Variants in BAZ2B observed in about 807,000 individuals in gnomAD.
The protein encoded by BAZ2B is bromodomain adjacent to zinc finger domain protein 2B.
A neutral mutation model predicts 246.0 loss-of-function variants in BAZ2B; 91 were observed. The ratio of observed to expected loss-of-function variants is 0.37; its 90% confidence interval spans 0.31 to 0.44. BAZ2B has a LOEUF of 0.44. BAZ2B is among the 20% of genes least tolerant of loss of function. The pLI is 1.00. For synonymous variants in BAZ2B, 855 were observed against 860.0 expected, an observed-to-expected ratio of 0.99 and a Z score of 0.10; for missense variants, 2,332 against 2,533.7, an observed-to-expected ratio of 0.92 and a Z score of 1.71.
At chr2:159,562,376 T>TA (rs2089962635) in intron 1 of BAZ2B, among the ~76,000 whole-genome samples, 2 of 152,210 alleles carry the variant, frequency 1.3e-5, no homozygotes, top group African/African-American at 4.8e-5. Flanking sequence ...TTGGTAAATT[T>TA]AAAAAACACA....
intron 2 of BAZ2B, among the ~76,000 whole-genome samples, chr2:159,535,706 C>T (rs2085896666): frequency 1.3e-5 from 2 of 152,150 alleles, no homozygotes; most frequent in African/African-American, 4.8e-5. Flanking sequence ...AATACAACTT[C>T]AGATAATAAT....
chr2:159,374,256 A>G (rs538001961), intron 26 of BAZ2B, among the ~76,000 whole-genome samples: 2 of 152,210 alleles, frequency 1.3e-5, no homozygotes, highest in East Asian at 3.9e-4. Flanking sequence ...TTACAAATCC[A>G]ATGCAAATAA....
At chr2:159,362,548 C>T (rs2059824411) in intron 27 of BAZ2B, among the ~76,000 whole-genome samples, 1 of 152,172 alleles carries the variant, frequency 6.6e-6, no homozygotes, top group Non-Finnish European at 1.5e-5. Context: ...CTCTCACTAA[C>T]AAACTTTGCT....
chr2:159,393,332 C>A (rs2063575922), intron 20 of BAZ2B, among the ~76,000 whole-genome samples: 1 of 152,110 alleles, frequency 6.6e-6, no homozygotes, highest in Non-Finnish European at 1.5e-5. Flanking sequence ...CTGAGGAAAG[C>A]AATAATGAGA....
chr2:159,436,981 T>C (rs931107821), intron 8 of BAZ2B, among the ~76,000 whole-genome samples: 12 of 152,156 alleles, frequency 7.9e-5, no homozygotes, highest in African/African-American at 1.9e-4. Context: ...AAAGAGAAGG[T>C]AGTACCTTTT....
At chr2:159,437,939 T>A in intron 8 of BAZ2B, 2 of 164,822 alleles carry the variant, frequency 1.2e-5, no homozygotes, top group Admixed American at 6.3e-5. Flanking sequence ...TAAAAAAAAA[T>A]TGGTATTAGG....
chr2:159,392,352 G>GT lies in BAZ2B; in HGVS notation c.3076-2868dup, dbSNP rs145362499. ...TTCACAAGAAGTCTGTATAAAGCCTGTTTTTTTTTTATCGTTCCCACAACT... is the reference window on the plus strand; with the variant it reads ...TTCACAAGAAGTCTGTATAAAGCCTGTTTTTTTTTTTATCGTTCCCACAACT... On this transcript the variant is annotated intron_variant, in intron 20 of 36. Transcript: ENST00000392783. 5.1e-3 allele frequency: 755 copies of GT among 148,036 alleles called. 7 individuals are homozygous for GT. Among genetic ancestry groups the GT allele is most frequent in the African/African-American group, 0.015 (620 of 40,434 alleles). The allele number at this position is 148,036 out of a possible 1,614,324, so 9.2% of individuals were successfully genotyped here.
intron 2 of BAZ2B, among the ~76,000 whole-genome samples, chr2:159,490,211 C>T (rs983824991): frequency 2.0e-5 from 3 of 151,758 alleles, no homozygotes; most frequent in South Asian, 4.2e-4. Flanking sequence ...AATCGAGAAA[C>T]CATACATCAA....
chr2:159,564,565 T>C (rs1418038906), intron 1 of BAZ2B, among the ~76,000 whole-genome samples: 1 of 152,150 alleles, frequency 6.6e-6, no homozygotes, highest in East Asian at 1.9e-4. Flanking sequence ...AAAAAGTGAT[T>C]ATTTTTGATA....
chr2:159,632,604 C>T, the BAZ2B span, among the ~76,000 whole-genome samples: 3 of 152,228 alleles, frequency 2.0e-5, no homozygotes, highest in South Asian at 2.1e-4. Flanking sequence ...TAAGTGATGT[C>T]ATGTTGGAAG....
At chr2:159,414,491 T>C (rs941906110) in intron 13 of BAZ2B, among the ~76,000 whole-genome samples, 1 of 152,198 alleles carries the variant, frequency 6.6e-6, no homozygotes, top group Admixed American at 6.5e-5. Context: ...TTTACTCTGA[T>C]GTTATTATTT....
At chr2:159,427,819 T>C in intron 13 of BAZ2B, 122 bp downstream of exon 13, 1 of 705,010 alleles carries the variant, frequency 1.4e-6, no homozygotes, top group Non-Finnish European at 2.3e-6. Flanking sequence ...CACAAAGTTA[T>C]ATGTATAGCC....
In BAZ2B at chr2:159,603,131, C is replaced by A. The variant is rs180787946; in HGVS notation, c.-46+13111G>T. Among the ~76,000 whole-genome samples, 207 of 152,090 alleles carry A rather than the reference C, an allele frequency of 1.4e-3. 1 individual carries two copies. Among genetic ancestry groups the A allele is most frequent in the Middle Eastern group, 0.01 (3 of 294 alleles). The stretch of plus-strand genomic sequence containing the variant: ...CAGCCTAGGCAACAGAGCGAGACTC[C>A]GTCTCAAAAAAACAAAAACAAAAAC... On this transcript the variant is annotated intron_variant, in intron 1 of 36. Transcript: ENST00000392783.
chr2:159,683,747 C>T, the BAZ2B span, among the ~76,000 whole-genome samples: 1 of 152,154 alleles, frequency 6.6e-6, no homozygotes, highest in Non-Finnish European at 1.5e-5. Context: ...TTCCTGGCTA[C>T]ATTACTGCAA....
chr2:159,634,119 A>G, the BAZ2B span, among the ~76,000 whole-genome samples: 3 of 152,222 alleles, frequency 2.0e-5, no homozygotes, highest in African/African-American at 7.2e-5. Context: ...ACTGCCTTTA[A>G]TAAGACAACC....
intron 1 of BAZ2B, among the ~76,000 whole-genome samples, chr2:159,578,039 C>T (rs2151612227): frequency 6.6e-6 from 1 of 152,254 alleles, no homozygotes; most frequent in South Asian, 2.1e-4. Context: ...AACCTAAAGA[C>T]ATAGAAACTT....
At chr2:159,609,870 A>G (rs890097) in intron 1 of BAZ2B, among the ~76,000 whole-genome samples, 140,379 of 152,012 alleles carry the variant, frequency 0.92, 65,319 homozygotes, top group East Asian at 1. Flanking sequence ...AATAGCTTGC[A>G]AATGACTATG....
chr2:159,377,812 C>CAAAAAAAAAAAAAAAAAAAAAA (rs35570732), intron 25 of BAZ2B, among the ~76,000 whole-genome samples: 2 of 94,166 alleles, frequency 2.1e-5, no homozygotes, highest in African/African-American at 8.1e-5. Flanking sequence ...ACTCTGTCTC[C>CAAAAAAAAAAAAAAAAAAAAAA]AAAAAAAAAA....
At chr2:159,672,843 C>A in the BAZ2B span, among the ~76,000 whole-genome samples, 1 of 152,070 alleles carries the variant, frequency 6.6e-6, no homozygotes, top group Non-Finnish European at 1.5e-5. Context: ...ATTCTGCACA[C>A]CAAACATATG....
Sources: gnomAD v4.1 joint callset for allele counts (sites outside exome capture counted in the v4.1 genomes callset) on GRCh38, gnomAD v4.1.1 for gene constraint, MANE v1.5 for transcripts, NCBI Gene and HGNC (gene_info 2026-07-23, HGNC 2026-07-21) for gene names.